MRTFA: variants seen among roughly 807,000 people sequenced by gnomAD.
MRTFA encodes the protein myocardin-related transcription factor A.
MRTFA carries 20 observed loss-of-function variants against 83.5 expected under a neutral mutation model. The observed-to-expected ratio is 0.24, with a 90% confidence interval of 0.17 to 0.35. The LOEUF (loss-of-function observed/expected upper bound fraction) is 0.35. Ranked by LOEUF, MRTFA falls within the 10% of genes least tolerant of loss-of-function variation. The pLI, the probability that MRTFA is intolerant of heterozygous loss-of-function variation, is 1.00. For missense variants in MRTFA, 1,200 were observed against 1,224.7 expected, an observed-to-expected ratio of 0.98 and a Z score of 0.30; for synonymous variants, 659 against 541.2, an observed-to-expected ratio of 1.22 and a Z score of -3.02.
At chr22:40,441,412 C>A (rs911001577) in intron 4 of MRTFA, among the ~76,000 whole-genome samples, 3 of 152,196 alleles carry the variant, frequency 2.0e-5, no homozygotes, top group Non-Finnish European at 4.4e-5. Context: ...AACTTGTTTG[C>A]TGCCTAAATT....
chr22:40,436,632 T>C (rs565381364), intron 4 of MRTFA, among the ~76,000 whole-genome samples: 1 of 152,264 alleles, frequency 6.6e-6, no homozygotes, highest in African/African-American at 2.4e-5. Flanking sequence ...GTCTGACTCC[T>C]TTTGTCAAAA....
intron 3 of MRTFA, among the ~76,000 whole-genome samples, chr22:40,524,841 CTT>C (rs2054937339): frequency 6.6e-6 from 1 of 152,126 alleles, no homozygotes; most frequent in Non-Finnish European, 1.5e-5. Context: ...GAGTTTTGCT[CTT>C]GTCACCCATG....
intron 3 of MRTFA, among the ~76,000 whole-genome samples, chr22:40,479,344 C>A (rs2054050461): frequency 6.6e-6 from 1 of 152,092 alleles, no homozygotes; most frequent in African/African-American, 2.4e-5. Context: ...CTGATCAAAT[C>A]AATCTGTGAG....
intron 2 of MRTFA, among the ~76,000 whole-genome samples, chr22:40,585,651 G>C (rs1339472359): frequency 2.0e-5 from 3 of 152,150 alleles, no homozygotes; most frequent in Non-Finnish European, 2.9e-5. Flanking sequence ...CATTTTAAAA[G>C]CATCAATTAG....
chr22:40,453,349 T>C (rs1688735100), intron 4 of MRTFA, among the ~76,000 whole-genome samples: 1 of 152,190 alleles, frequency 6.6e-6, no homozygotes, highest in African/African-American at 2.4e-5. Context: ...TACACCACCA[T>C]ATCCTGCAAC....
At chr22:40,447,951 G>A (rs1474784926) in intron 4 of MRTFA, among the ~76,000 whole-genome samples, 1 of 152,172 alleles carries the variant, frequency 6.6e-6, no homozygotes, top group Non-Finnish European at 1.5e-5. Flanking sequence ...CCAACACTTT[G>A]GGAGGCCAAG....
At chr22:40,629,215 G>A (rs1249501438) in intron 1 of MRTFA, among the ~76,000 whole-genome samples, 1 of 151,814 alleles carries the variant, frequency 6.6e-6, no homozygotes, top group African/African-American at 2.4e-5. Flanking sequence ...AGGCCGAGGC[G>A]GGCGGATCAC....
chr22:40,471,865 A>G (rs1361845977), intron 3 of MRTFA, among the ~76,000 whole-genome samples: 2 of 152,174 alleles, frequency 1.3e-5, no homozygotes, highest in African/African-American at 4.8e-5. Context: ...GAGCAAAACC[A>G]TCTCAAAAAA....
chr22:40,629,257 A>T (rs1381069056), intron 1 of MRTFA, among the ~76,000 whole-genome samples: 2 of 151,750 alleles, frequency 1.3e-5, no homozygotes, highest in Non-Finnish European at 2.9e-5. Context: ...CAGCCTGTCC[A>T]ATATGGTGAA....
chr22:40,540,101 G>A (rs184724823), intron 3 of MRTFA, among the ~76,000 whole-genome samples: 2 of 151,320 alleles, frequency 1.3e-5, no homozygotes, highest in East Asian at 2.0e-4. Context: ...GTAGAGATGG[G>A]GGTTGTCATC....
intron 2 of MRTFA, among the ~76,000 whole-genome samples, chr22:40,583,038 A>C (rs954588234): frequency 1.3e-5 from 2 of 152,146 alleles, no homozygotes; most frequent in Non-Finnish European, 2.9e-5. Flanking sequence ...AAATAAAGTA[A>C]AAAGTCTTTA....
chr22:40,430,962 C>T (rs917050426), intron 6 of MRTFA, among the ~76,000 whole-genome samples: 2 of 150,554 alleles, frequency 1.3e-5, no homozygotes, highest in Non-Finnish European at 2.9e-5. Flanking sequence ...GGATGGAGCA[C>T]GGTATATCAC....
intron 2 of MRTFA, among the ~76,000 whole-genome samples, chr22:40,588,316 C>T (rs1282912973): frequency 2.0e-5 from 3 of 152,072 alleles, no homozygotes; most frequent in African/African-American, 4.8e-5. Flanking sequence ...TGTGAGCCAC[C>T]GCGCCCAGCC....
At chr22:40,595,174 C>A (rs568076319) in intron 1 of MRTFA, among the ~76,000 whole-genome samples, 1 of 139,180 alleles carries the variant, frequency 7.2e-6, no homozygotes, top group Non-Finnish European at 1.5e-5. Context: ...GGCTGGAATG[C>A]AATGGCGCAA....
chr22:40,550,085 G>A (rs2055422635), intron 3 of MRTFA, among the ~76,000 whole-genome samples: 1 of 149,664 alleles, frequency 6.7e-6, no homozygotes, highest in South Asian at 2.1e-4. Flanking sequence ...TTAAAGATGA[G>A]ATTGATAGAT....
rs368439468 is a variant in MRTFA at position 40,410,443 on chromosome 22, C to G, written c.*947G>C. On this transcript the variant is annotated 3_prime_UTR_variant, in exon 15 of 15. Coordinates refer to ENST00000355630, the MANE Select transcript of MRTFA (RefSeq NM_020831.6). ...GGAGATGGCCACCCCTCAGCCCCAC[C>G]GCAGGGTGAAGCTGGGCCCGAAGCT... 10 of 233,496 alleles carry G rather than the reference C, an allele frequency of 4.3e-5. No homozygotes were observed. Among genetic ancestry groups the G allele is most frequent in the Non-Finnish European group, 7.6e-5 (9 of 118,116 alleles). 14.5% of individuals were successfully genotyped at this position (233,496 alleles called of 1,614,324 possible).
intron 3 of MRTFA, among the ~76,000 whole-genome samples, chr22:40,484,418 A>C (rs1255924387): frequency 6.6e-6 from 1 of 152,196 alleles, no homozygotes; most frequent in Non-Finnish European, 1.5e-5. Context: ...AAGCCAGATC[A>C]TTATAATACA....
At chr22:40,519,384 A>G in intron 3 of MRTFA, 1 of 1,297,700 alleles carries the variant, frequency 7.7e-7, no homozygotes, top group South Asian at 1.2e-5. Context: ...GTTTTGTGTA[A>G]TATTTCATTT....
intron 3 of MRTFA, among the ~76,000 whole-genome samples, chr22:40,544,872 G>C (rs1384343018): frequency 6.6e-6 from 1 of 151,904 alleles, no homozygotes; most frequent in Non-Finnish European, 1.5e-5. Context: ...AGGAGATTGA[G>C]GCCGCAGTGA....
Sources: gnomAD v4.1 joint callset for allele counts (sites outside exome capture counted in the v4.1 genomes callset) on GRCh38, gnomAD v4.1.1 for gene constraint, MANE v1.5 for transcripts, NCBI Gene and HGNC (gene_info 2026-07-23, HGNC 2026-07-21) for gene names.